ACYP2: variants seen among roughly 807,000 people sequenced by gnomAD.
ACYP2 encodes acylphosphatase-2.
A neutral mutation model predicts 11.2 loss-of-function variants in ACYP2; 12 were observed. The observed-to-expected ratio is 1.08, with a 90% CI of 0.69 to 1.74. The LOEUF (loss-of-function observed/expected upper bound fraction) is 1.74. Among genes scored for constraint, ACYP2 ranks in the 40% most tolerant of loss-of-function variants. The pLI is 0.00. For missense variants in ACYP2, 134 were observed against 101.9 expected (o/e 1.31, Z -1.35); for synonymous variants, 43 against 32.2 (o/e 1.33, Z -1.13).
At position 54,153,458 on chromosome 2, in the gene ACYP2, G is replaced by C. The variant is rs1414572987; in HGVS notation, c.404+14710G>C. Among the ~76,000 whole-genome samples, 5 of 110,198 alleles carry C rather than the reference G, an allele frequency of 4.5e-5. 1 individual carries two copies. The highest frequency in any genetic ancestry group is 4.4e-4 in the Admixed American group (5 of 11,404). The allele number at this position is 110,198 out of a possible 152,430, so 72.3% of individuals were successfully genotyped here. ...TTGCTCAAATTGCCTGGGCTACTTA[G>C]GGTTTTTTTTTTTTTTTCATGTGTG... On this transcript the variant is annotated intron_variant, in intron 6 of 6. Coordinates refer to ENST00000607452, the MANE Select transcript of ACYP2 (RefSeq NM_001320586.2).
intron 2 of ACYP2, among the ~76,000 whole-genome samples, chr2:54,023,230 G>A (rs1674097707): frequency 6.6e-6 from 1 of 152,138 alleles, no homozygotes; most frequent in Non-Finnish European, 1.5e-5. Context: ...TGTGTGGGTT[G>A]TGACCATATA....
At chr2:54,068,500 CAT>C (rs1198392646) in intron 4 of ACYP2, among the ~76,000 whole-genome samples, 9 of 152,144 alleles carry the variant, frequency 5.9e-5, no homozygotes, top group African/African-American at 2.2e-4. Context: ...GCTTTCGACT[CAT>C]GTGGATTAAG....
chr2:54,251,777 A>C (rs1187873794), intron 6 of ACYP2, among the ~76,000 whole-genome samples: 3 of 152,234 alleles, frequency 2.0e-5, no homozygotes, highest in Non-Finnish European at 4.4e-5. Flanking sequence ...AGCAAAGAAC[A>C]GGTTTACTTA....
chr2:54,274,625 C>CAAAAAAAAAAAAAAAA (rs70944155), intron 6 of ACYP2, among the ~76,000 whole-genome samples: 1 of 37,674 alleles, frequency 2.7e-5, no homozygotes, highest in African/African-American at 1.2e-4. Context: ...GACTCCATCT[C>CAAAAAAAAAAAAAAAA]AAAAAAAAAA....
intron 2 of ACYP2, among the ~76,000 whole-genome samples, chr2:53,976,253 G>A (rs957132966): frequency 5.3e-5 from 8 of 152,062 alleles, no homozygotes; most frequent in African/African-American, 1.9e-4. Flanking sequence ...TCTCTTACAG[G>A]CTGGAGTACA....
chr2:53,989,277 C>CTTT (rs775237196), intron 2 of ACYP2, among the ~76,000 whole-genome samples: 92 of 94,794 alleles, frequency 9.7e-4, no homozygotes, highest in African/African-American at 1.3e-3. Context: ...GTAGACAATT[C>CTTT]TTTTTTTTTT....
At chr2:54,139,172 C>T (rs1681453488) in intron 6 of ACYP2, among the ~76,000 whole-genome samples, 1 of 152,224 alleles carries the variant, frequency 6.6e-6, no homozygotes. Context: ...TGTCCTGTGG[C>T]ATCTCCTCCA....
At chr2:54,102,877 C>T (rs1678974257) in intron 4 of ACYP2, among the ~76,000 whole-genome samples, 1 of 152,144 alleles carries the variant, frequency 6.6e-6, no homozygotes, top group East Asian at 1.9e-4. Context: ...TCAGCAGTCT[C>T]ATGGGTCTCA....
At chr2:54,151,589 TTAGTC>T (rs1682173306) in intron 6 of ACYP2, among the ~76,000 whole-genome samples, 1 of 152,204 alleles carries the variant, frequency 6.6e-6, no homozygotes, top group African/African-American at 2.4e-5. Context: ...AAAGAATAGT[TTAGTC>T]TAATTGATAT....
intron 6 of ACYP2, among the ~76,000 whole-genome samples, chr2:54,299,375 C>T (rs977816223): frequency 2.6e-5 from 4 of 151,910 alleles, no homozygotes; most frequent in African/African-American, 4.8e-5. Context: ...GGGCAGATCA[C>T]GAGGTCAGGA....
chr2:54,133,417 A>G (rs1421611744), intron 4 of ACYP2, among the ~76,000 whole-genome samples: 1 of 152,124 alleles, frequency 6.6e-6, no homozygotes, highest in Non-Finnish European at 1.5e-5. Context: ...TCTAAATTTA[A>G]GCACTTTTTT....
At chr2:54,011,149 G>C (rs557178637) in intron 2 of ACYP2, among the ~76,000 whole-genome samples, 8 of 152,080 alleles carry the variant, frequency 5.3e-5, no homozygotes, top group South Asian at 2.1e-4. Flanking sequence ...TTTTAGCATT[G>C]AGAATCAAGC....
At chr2:54,092,869 C>T (rs773609408) in intron 4 of ACYP2, among the ~76,000 whole-genome samples, 19 of 152,226 alleles carry the variant, frequency 1.2e-4, no homozygotes, top group Non-Finnish European at 2.2e-4. Context: ...GGCTGCTTGA[C>T]AACCTACCTT....
chr2:54,075,941 ATCTT>A (rs1677318010), intron 4 of ACYP2, among the ~76,000 whole-genome samples: 1 of 152,120 alleles, frequency 6.6e-6, no homozygotes. Flanking sequence ...TTTTTTATTA[ATCTT>A]TATATTTTAT....
Position 54,209,866 on chromosome 2 carries a change from C to T in ACYP2, c.404+71118C>T, listed in dbSNP as rs946536211. Among the ~76,000 whole-genome samples, 12 of 152,166 alleles carry T rather than the reference C, an allele frequency of 7.9e-5. No homozygotes were observed. In the South Asian group the frequency reaches 8.3e-4, roughly 11 times the overall value. On this transcript the variant is annotated intron_variant, in intron 6 of 6. Transcript: ENST00000607452. Reference sequence around the variant, plus strand: ...TAAATAAAATTTAAATCAAGGCCGGCGCAGTGGCTCACACCTGTAATCCCA... The same window carrying T: ...TAAATAAAATTTAAATCAAGGCCGGTGCAGTGGCTCACACCTGTAATCCCA...
At chr2:54,019,139 T>C (rs1673857233) in intron 2 of ACYP2, among the ~76,000 whole-genome samples, 1 of 151,788 alleles carries the variant, frequency 6.6e-6, no homozygotes, top group South Asian at 2.1e-4. Context: ...CAATCATGGC[T>C]CACTGCAGCT....
At chr2:54,215,169 C>T (rs1035174991) in intron 6 of ACYP2, among the ~76,000 whole-genome samples, 12 of 152,082 alleles carry the variant, frequency 7.9e-5, no homozygotes, top group South Asian at 2.1e-4. Context: ...GGGTTTTCTA[C>T]GTATAGAATT....
intron 4 of ACYP2, among the ~76,000 whole-genome samples, chr2:54,127,299 A>G (rs1427525633): frequency 6.6e-6 from 1 of 152,216 alleles, no homozygotes; most frequent in Non-Finnish European, 1.5e-5. Flanking sequence ...ACTCATATAC[A>G]GACTACAAAT....
intron 6 of ACYP2, among the ~76,000 whole-genome samples, chr2:54,263,502 T>C (rs1687868997): frequency 6.6e-6 from 1 of 152,180 alleles, no homozygotes. Flanking sequence ...TGCATACCTG[T>C]AGTCCTAGCT....
Sources: gnomAD v4.1 joint callset for allele counts (sites outside exome capture counted in the v4.1 genomes callset) on GRCh38, gnomAD v4.1.1 for gene constraint, MANE v1.5 for transcripts, NCBI Gene and HGNC (gene_info 2026-07-23, HGNC 2026-07-21) for gene names.